ZHX3: variants seen among roughly 807,000 people sequenced by gnomAD.
ZHX3 encodes the protein zinc fingers and homeoboxes 3.
Under a neutral mutation model 64.5 loss-of-function variants are expected in ZHX3, and 20 were observed. That is an observed-to-expected ratio of 0.31 (90% CI 0.22 to 0.45). ZHX3 has a LOEUF of 0.45. ZHX3 is among the 20% of genes least tolerant of loss of function. The probability of loss-of-function intolerance (pLI) is 1.00; values close to 1 mark genes in which losing one functional copy is unlikely to be tolerated. For synonymous variants in ZHX3, 423 were observed against 461.6 expected (o/e 0.92, Z 1.07); for missense variants, 1,041 against 1,195.8 (o/e 0.87, Z 1.91).
intron 2 of ZHX3, among the ~76,000 whole-genome samples, chr20:41,255,455 A>G (rs2042199854): frequency 6.6e-6 from 1 of 152,132 alleles, no homozygotes; most frequent in African/African-American, 2.4e-5. Flanking sequence ...CCGGCAAAGG[A>G]TCAACTATTC....
intron 1 of ZHX3, among the ~76,000 whole-genome samples, chr20:41,281,378 G>C (rs1030968714): frequency 6.6e-6 from 1 of 152,084 alleles, no homozygotes; most frequent in Middle Eastern, 3.2e-3. Flanking sequence ...TTGAATCCAA[G>C]AAATAAAAGA....
At chr20:41,278,689 A>G (rs2043513211) in intron 1 of ZHX3, among the ~76,000 whole-genome samples, 1 of 142,180 alleles carries the variant, frequency 7.0e-6, no homozygotes, top group African/African-American at 2.6e-5. Flanking sequence ...ACAGAAGAGT[A>G]TAAGACTATA....
intron 1 of ZHX3, among the ~76,000 whole-genome samples, chr20:41,296,049 T>C (rs1037472552): frequency 1.3e-5 from 2 of 152,122 alleles, no homozygotes; most frequent in African/African-American, 4.8e-5. Context: ...TTATTAAAAG[T>C]GCCTAACATT....
In ZHX3 at chr20:41,201,451, A is replaced by C; in HGVS notation, c.2860+606T>G. On this transcript the variant is annotated intron_variant, in intron 3 of 3. Transcript: ENST00000683867. The surrounding 1 kb of genome is among the most constrained non-coding windows in gnomAD (Gnocchi z 5.0). ...CAAAACTATGTCTTAAATAAAAATA[A>C]TCTTCTATGATACATTTTGCTTTCG... 8.5e-7 allele frequency: 1 copy of C among 1,177,356 alleles called. No individual in the cohort carries two copies. Among genetic ancestry groups the C allele is most frequent in the African/African-American group, 1.6e-5 (1 of 63,020 alleles). The allele number at this position is 1,177,356 out of a possible 1,614,324, so 72.9% of individuals were successfully genotyped here.
chr20:41,274,141 A>G (rs949493524), intron 1 of ZHX3, among the ~76,000 whole-genome samples: 1 of 152,180 alleles, frequency 6.6e-6, no homozygotes. Flanking sequence ...TACTCCAGAG[A>G]ATGAAGGTAA....
rs569226069 is a variant in ZHX3, at chr20:41,278,125, T to C, written c.-244-9042A>G. The stretch of plus-strand genomic sequence containing the variant: ...TGGGAGGTCGAGGTGGGCAGATCAC[T>C]TGAGGCCAGGAATTCGAGACTAGCC... On this transcript the variant is annotated intron_variant, in intron 1 of 3. Transcript: ENST00000683867. 2.5e-4 allele frequency among the ~76,000 whole-genome samples: 35 copies of C among 137,606 alleles called. 2 individuals are homozygous for C. The highest frequency in any genetic ancestry group is 9.0e-4 in the African/African-American group (33 of 36,534). 90.3% of individuals were successfully genotyped at this position (137,606 alleles called of 152,430 possible). A position where few individuals can be genotyped will look rare whatever the true frequency, so the allele number is the denominator to read the frequency against.
chr20:41,196,515 T>TTATTATAAA (rs1555826840), intron 3 of ZHX3: 4 of 10,346 alleles, frequency 3.9e-4, no homozygotes, highest in Non-Finnish European at 8.5e-4. Context: ...TAAATATATA[T>TTATTATAAA]TATATATTAT....
intron 1 of ZHX3, among the ~76,000 whole-genome samples, chr20:41,273,831 T>C (rs1197764996): frequency 2.0e-5 from 3 of 152,200 alleles, no homozygotes; most frequent in Non-Finnish European, 4.4e-5. Flanking sequence ...TCAGGGTCCC[T>C]TGCAATTCTA....
rs2038183503 is a variant in ZHX3 at position 41,201,139 on chromosome 20, A to C, written c.2860+918T>G. 1 of 458,176 alleles carries C rather than the reference A, an allele frequency of 2.2e-6. No homozygotes were observed. The highest frequency in any genetic ancestry group is 3.4e-6 in the Non-Finnish European group (1 of 292,328). 28.4% of individuals were successfully genotyped at this position (458,176 alleles called of 1,614,324 possible). On this transcript the variant is annotated intron_variant, in intron 3 of 3. Transcript: ENST00000683867. This position sits in a 1 kb window ranked among gnomAD's most constrained non-coding sequence, Gnocchi z 5.0. ...CCCACACTGAGGCAGCTCATGCCAA[A>C]GTCACCACGGAACCATCACATTGCC...
At chr20:41,237,340 A>G (rs1181863391) in intron 2 of ZHX3, among the ~76,000 whole-genome samples, 1 of 152,242 alleles carries the variant, frequency 6.6e-6, no homozygotes, top group South Asian at 2.1e-4. Context: ...ACTATTCACA[A>G]TAACAAAGAC....
intron 2 of ZHX3, among the ~76,000 whole-genome samples, chr20:41,265,142 A>T (rs957378452): frequency 2.0e-5 from 3 of 152,202 alleles, no homozygotes; most frequent in African/African-American, 7.2e-5. Flanking sequence ...CTTTTTAAAA[A>T]ATATAACACC....
At chr20:41,276,652 C>T (rs1021258796) in intron 1 of ZHX3, among the ~76,000 whole-genome samples, 9 of 152,148 alleles carry the variant, frequency 5.9e-5, no homozygotes, top group African/African-American at 1.9e-4. Context: ...TGGGACTTGG[C>T]GGGCTCACTT....
At chr20:41,205,787 T>C (rs2038657790) in intron 2 of ZHX3, among the ~76,000 whole-genome samples, 1 of 152,202 alleles carries the variant, frequency 6.6e-6, no homozygotes, top group African/African-American at 2.4e-5. Flanking sequence ...ATACATTTTC[T>C]GTGTACGACC....
At chr20:41,283,433 T>C (rs1156239971) in intron 1 of ZHX3, among the ~76,000 whole-genome samples, 2 of 152,056 alleles carry the variant, frequency 1.3e-5, no homozygotes, top group Non-Finnish European at 2.9e-5. Context: ...AGCAAATGCA[T>C]CTCCTGGGGA....
At chr20:41,316,398 C>A (rs2045288427) in intron 1 of ZHX3, among the ~76,000 whole-genome samples, 1 of 152,102 alleles carries the variant, frequency 6.6e-6, no homozygotes, top group Non-Finnish European at 1.5e-5. Context: ...TCAGAATTAT[C>A]CGGCAAAATA....
At chr20:41,296,953 G>T (rs56061055) in intron 1 of ZHX3, among the ~76,000 whole-genome samples, 15,391 of 152,070 alleles carry the variant, frequency 0.1, 1,159 homozygotes, top group African/African-American at 0.21. Context: ...TGGAGCTAGG[G>T]GTAGTAACAG....
chr20:41,203,544 G>C lies in ZHX3; in HGVS notation c.1373C>G (p.Pro458Arg), dbSNP rs756844844. The change falls in exon 3 of 4, where the codon CCC (proline) becomes CGC (arginine). Residue 458 changes from proline (P) to arginine (R), a missense_variant. Around this residue, in one of 4 missense-constraint regions of ZHX3, gnomAD observed 649 missense variants for 739.8 expected, o/e 0.88. Coordinates refer to ENST00000683867, the MANE Select transcript of ZHX3 (RefSeq NM_001384317.1). This position sits in a 1 kb window ranked among gnomAD's most constrained non-coding sequence, Gnocchi z 7.1. Reference sequence around the variant, plus strand: ...TGTATTTGAACACACAGTGTTAATGGGTGCCACACCTGGCTGCTTGGGGAC... The same window carrying C: ...TGTATTTGAACACACAGTGTTAATGCGTGCCACACCTGGCTGCTTGGGGAC... Reference protein sequence around the residue: ...TSVPKQPGVAPINTVCSNTTS... With the variant: ...TSVPKQPGVARINTVCSNTTS... The C allele has an allele frequency of 1.9e-6, 3 of 1,614,156 alleles. No individual in the cohort carries two copies. The highest frequency in any genetic ancestry group is 1.1e-5 in the South Asian group (1 of 91,080).
intron 2 of ZHX3, among the ~76,000 whole-genome samples, chr20:41,251,474 G>A (rs1204341406): frequency 6.6e-6 from 1 of 151,984 alleles, no homozygotes; most frequent in East Asian, 1.9e-4. Context: ...AGAAAGTCAA[G>A]ATAAAAACCT....
At chr20:41,309,085 G>A (rs775456403) in intron 1 of ZHX3, among the ~76,000 whole-genome samples, 2 of 151,992 alleles carry the variant, frequency 1.3e-5, no homozygotes, top group Non-Finnish European at 2.9e-5. Context: ...TATAATAAAT[G>A]TCTCCAAACA....
Sources: gnomAD v4.1 joint callset for allele counts (sites outside exome capture counted in the v4.1 genomes callset) on GRCh38, gnomAD v4.1.1 for gene constraint, gnomAD v4.1.1 regional missense constraint, Gnocchi (gnomAD v3.1) non-coding constraint, MANE v1.5 for transcripts, NCBI Gene and HGNC (gene_info 2026-07-23, HGNC 2026-07-21) for gene names.